The following TMTC2 variants were observed in gnomAD, a reference collection of about 807,000 sequenced individuals.
TMTC2 encodes transmembrane O-mannosyltransferase targeting cadherins 2, also known as protein O-mannosyl-transferase TMTC2.
Under a neutral mutation model 82.4 loss-of-function variants are expected in TMTC2, and 43 were observed. The ratio of observed to expected loss-of-function variants is 0.52; its 90% CI spans 0.41 to 0.67. The LOEUF is 0.67. TMTC2 is among the 30% of genes least tolerant of loss of function. The pLI is 0.00. For missense variants in TMTC2, 919 were observed against 1,012.4 expected (o/e 0.91, Z 1.25); for synonymous variants, 408 against 381.9 (o/e 1.07, Z -0.80).
intron 1 of TMTC2, among the ~76,000 whole-genome samples, chr12:82,804,728 T>A (rs1159873519): frequency 1.3e-5 from 2 of 152,116 alleles, no homozygotes; most frequent in African/African-American, 2.4e-5. Context: ...GAGGCTTTGT[T>A]GCCCAGAAAT....
intron 1 of TMTC2, among the ~76,000 whole-genome samples, chr12:82,808,207 A>G (rs1879330774): frequency 6.6e-6 from 1 of 152,020 alleles, no homozygotes; most frequent in African/African-American, 2.4e-5. Flanking sequence ...AGTAAAAATT[A>G]TTAGCTAAAT....
At chr12:83,092,595 T>G (rs1883880728) in intron 11 of TMTC2, among the ~76,000 whole-genome samples, 1 of 152,194 alleles carries the variant, frequency 6.6e-6, no homozygotes, top group Admixed American at 6.5e-5. Flanking sequence ...GTCTCCACCA[T>G]ATTATCTATA....
chr12:82,901,511 C>A (rs1301229334), intron 3 of TMTC2, among the ~76,000 whole-genome samples: 1 of 151,306 alleles, frequency 6.6e-6, no homozygotes, highest in African/African-American at 2.4e-5. Context: ...ACTATCTTGG[C>A]CAGGTTGGTC....
rs774278702 is a variant in TMTC2, at chr12:82,896,185, CTG to C, written c.1024_1025del (p.Val342AsnfsTer11). ...GTAGACAGAGAATGCAATGGGAAAA[CTG>C]TAACAAATGGCAAGCAGAATGCAAA... On this transcript the variant is annotated frameshift_variant, in exon 3 of 12. Coordinates refer to ENST00000321196, the MANE Select transcript of TMTC2 (RefSeq NM_152588.3). LOFTEE classifies it high-confidence loss of function. 7 of 1,614,004 alleles carry C rather than the reference CTG, an allele frequency of 4.3e-6. No homozygotes were observed. Among genetic ancestry groups the C allele is most frequent in the Admixed American group, 3.3e-5 (2 of 59,984 alleles).
chr12:82,968,031 T>C (rs73362294), intron 7 of TMTC2, among the ~76,000 whole-genome samples: 1,598 of 152,220 alleles, frequency 0.01, 23 homozygotes, highest in African/African-American at 0.037. Flanking sequence ...TCACGTTCTC[T>C]TTTTTACAAA....
chr12:83,005,630 GA>G (rs530108521), intron 8 of TMTC2, among the ~76,000 whole-genome samples: 58 of 152,250 alleles, frequency 3.8e-4, no homozygotes, highest in African/African-American at 1.3e-3. Context: ...GGGGACTTGG[GA>G]CCTACTGGGC....
chr12:83,052,335 A>C (rs1428843923), intron 10 of TMTC2, among the ~76,000 whole-genome samples: 1 of 152,126 alleles, frequency 6.6e-6, no homozygotes, highest in Non-Finnish European at 1.5e-5. Context: ...TCATGTTAGC[A>C]TCCCTAAAGT....
rs1469447777 is a variant in TMTC2, at chr12:83,056,649, G to C, written c.2268-5119G>C. On this transcript the variant is annotated intron_variant, in intron 10 of 11. Coordinates refer to ENST00000321196, the MANE Select transcript of TMTC2 (RefSeq NM_152588.3). Reference sequence around the variant, plus strand: ...TTGGGGATGTGTGTATATATTTCCAGCGCCCTCTGGACCATACATTTTCTT... The same window carrying C: ...TTGGGGATGTGTGTATATATTTCCACCGCCCTCTGGACCATACATTTTCTT... Among the ~76,000 whole-genome samples, 3 of 151,852 alleles carry C rather than the reference G, an allele frequency of 2.0e-5. No homozygotes were observed. In the East Asian group the frequency reaches 5.8e-4, roughly 29 times the overall value.
At chr12:83,129,857 G>C (rs1885209835) in intron 11 of TMTC2, among the ~76,000 whole-genome samples, 1 of 152,216 alleles carries the variant, frequency 6.6e-6, no homozygotes, top group African/African-American at 2.4e-5. Flanking sequence ...CACCCAACTT[G>C]TTCAAGTGCC....
intron 7 of TMTC2, among the ~76,000 whole-genome samples, chr12:82,967,834 G>A (rs1027424792): frequency 2.0e-5 from 3 of 151,978 alleles, no homozygotes; most frequent in Non-Finnish European, 2.9e-5. Context: ...ACCTGCTTAA[G>A]TTGTTTAATA....
At chr12:82,986,246 A>G (rs992945545) in intron 8 of TMTC2, 200 bp downstream of exon 8, 2 of 592,664 alleles carry the variant, frequency 3.4e-6, no homozygotes, top group African/African-American at 3.7e-5. Flanking sequence ...ATAAGATGTG[A>G]GATGTCTGTA....
chr12:83,011,925 A>C (rs1267335706), intron 8 of TMTC2, among the ~76,000 whole-genome samples: 1 of 152,140 alleles, frequency 6.6e-6, no homozygotes, highest in Non-Finnish European at 1.5e-5. Context: ...TTAGTGCATA[A>C]TTGTTCAATA....
chr12:83,026,252 G>A (rs180818119), intron 8 of TMTC2, among the ~76,000 whole-genome samples: 274 of 152,166 alleles, frequency 1.8e-3, no homozygotes, highest in African/African-American at 6.2e-3. Flanking sequence ...GGTAAAAGAC[G>A]AAATATTAGA....
At chr12:83,030,764 G>T (rs747773716) in intron 8 of TMTC2, 34 bp from the exon 9 acceptor site, 1 of 1,525,326 alleles carries the variant, frequency 6.6e-7, no homozygotes, top group South Asian at 1.1e-5. Flanking sequence ...CTCATGATCT[G>T]TTCCTGAATC....
At chr12:82,792,584 AG>A (rs765625169) in intron 1 of TMTC2, among the ~76,000 whole-genome samples, 57 of 151,996 alleles carry the variant, frequency 3.8e-4, no homozygotes, top group Non-Finnish European at 4.0e-4. Flanking sequence ...CTCCCATTTC[AG>A]CTCCCTGAGT....
intron 1 of TMTC2, among the ~76,000 whole-genome samples, chr12:82,707,936 C>T (rs1873441817): frequency 6.6e-6 from 1 of 152,152 alleles, no homozygotes; most frequent in Non-Finnish European, 1.5e-5. Context: ...ATGAGGTGGT[C>T]ACCTATAGGA....
At chr12:82,702,081 G>C (rs904030240) in intron 1 of TMTC2, among the ~76,000 whole-genome samples, 1 of 152,102 alleles carries the variant, frequency 6.6e-6, no homozygotes, top group East Asian at 1.9e-4. Context: ...ATAACGATGG[G>C]GTTGGTTATA....
intron 6 of TMTC2, among the ~76,000 whole-genome samples, chr12:82,966,400 G>A (rs961376724): frequency 6.6e-6 from 1 of 151,834 alleles, no homozygotes; most frequent in Non-Finnish European, 1.5e-5. Flanking sequence ...GCTTTCCCCT[G>A]CCCTCCCACT....
In TMTC2 at chr12:82,888,559, A is replaced by G. The variant is rs565357107; in HGVS notation, c.655-7259A>G. On this transcript the variant is annotated intron_variant, in intron 2 of 11. Transcript: ENST00000321196. ...TACCTCAGCCTCCTGAGTAGTTGGG[A>G]CTACAGGCTACTGTGCACAGCTAAT... is the stretch of plus-strand genomic sequence containing the variant. Among the ~76,000 whole-genome samples the G allele has an allele frequency of 2.0e-5, 3 of 152,286 alleles. No individual in the cohort carries two copies. The South Asian group carries it at 6.2e-4, about 32-fold the overall frequency.
Sources: gnomAD v4.1 joint callset for allele counts (sites outside exome capture counted in the v4.1 genomes callset) on GRCh38, gnomAD v4.1.1 for gene constraint, MANE v1.5 for transcripts, NCBI Gene and HGNC (gene_info 2026-07-23, HGNC 2026-07-21) for gene names.